The following HIVEP3 variants were observed in gnomAD, a reference collection of about 807,000 sequenced individuals.
HIVEP3 encodes the protein transcription factor HIVEP3.
HIVEP3 carries 49 observed loss-of-function variants against 152.8 expected under a neutral mutation model. The ratio of observed to expected loss-of-function variants is 0.32; its 90% CI spans 0.26 to 0.41. The LOEUF (loss-of-function observed/expected upper bound fraction) is 0.41, where lower values mean the gene tolerates loss of function less well. Among genes scored for constraint, HIVEP3 ranks in the 10% least tolerant of loss-of-function variants. The pLI is 1.00. For synonymous variants in HIVEP3, 1,269 were observed against 1,289.0 expected (o/e 0.98, Z 0.33); for missense variants, 2,790 against 3,103.3 (o/e 0.90, Z 2.40).
intron 3 of HIVEP3, among the ~76,000 whole-genome samples, chr1:41,615,272 T>C (rs1041121578): frequency 6.6e-6 from 1 of 152,232 alleles, no homozygotes; most frequent in Non-Finnish European, 1.5e-5. Flanking sequence ...ACTTCCAGCA[T>C]GTTCTCCCAA....
chr1:42,014,380 A>G (rs1424566240), intron 1 of HIVEP3, among the ~76,000 whole-genome samples: 1 of 152,056 alleles, frequency 6.6e-6, no homozygotes, highest in Non-Finnish European at 1.5e-5. Context: ...GCAAGGAAGG[A>G]GGGGGTGCAA....
intron 1 of HIVEP3, among the ~76,000 whole-genome samples, chr1:41,967,512 C>A (rs1645205895): frequency 6.6e-6 from 1 of 152,142 alleles, no homozygotes; most frequent in African/African-American, 2.4e-5. Flanking sequence ...AACAAAGAGA[C>A]AATGTACCAG....
chr1:41,562,091 G>T (rs1227179994), intron 5 of HIVEP3, among the ~76,000 whole-genome samples: 1 of 152,172 alleles, frequency 6.6e-6, no homozygotes, highest in Non-Finnish European at 1.5e-5. Context: ...GCTGGACCTG[G>T]GATAAACAAG....
chr1:41,787,422 G>A (rs1009155604), intron 1 of HIVEP3, among the ~76,000 whole-genome samples: 1 of 152,058 alleles, frequency 6.6e-6, no homozygotes, highest in African/African-American at 2.4e-5. Context: ...ATGCCGATCT[G>A]GGCATACCCC....
At chr1:41,907,103 T>G (rs1644725444) in intron 1 of HIVEP3, among the ~76,000 whole-genome samples, 1 of 152,176 alleles carries the variant, frequency 6.6e-6, no homozygotes, top group Admixed American at 6.5e-5. Flanking sequence ...CTCTGTGGCT[T>G]CTGCCTCCCA....
At chr1:41,604,813 A>T (rs1644794468) in intron 3 of HIVEP3, among the ~76,000 whole-genome samples, 2 of 152,184 alleles carry the variant, frequency 1.3e-5, no homozygotes, top group South Asian at 4.1e-4. Flanking sequence ...GGTATTAGAA[A>T]ATAGGATAGC....
intron 1 of HIVEP3, among the ~76,000 whole-genome samples, chr1:41,853,844 C>T (rs1044695204): frequency 6.6e-6 from 1 of 152,140 alleles, no homozygotes; most frequent in Admixed American, 6.5e-5. Flanking sequence ...GGGTCTCCAC[C>T]TGCCAACCTT....
At chr1:41,888,202 A>ATTTTTTTTTTTTTTTTTT (rs61561436) in intron 1 of HIVEP3, among the ~76,000 whole-genome samples, 1 of 99,202 alleles carries the variant, frequency 1.0e-5, no homozygotes. Flanking sequence ...CGCCCGGCTA[A>ATTTTTTTTTTTTTTTTTT]TTTTTTTTTT....
At chr1:41,805,555 C>T (rs1044567506) in intron 1 of HIVEP3, among the ~76,000 whole-genome samples, 9 of 152,066 alleles carry the variant, frequency 5.9e-5, no homozygotes, top group Admixed American at 1.3e-4. Context: ...CGTTTACATG[C>T]GTGTGCGTGG....
At chr1:41,812,225 C>G (rs1363074299) in intron 1 of HIVEP3, among the ~76,000 whole-genome samples, 4 of 152,128 alleles carry the variant, frequency 2.6e-5, no homozygotes, top group Non-Finnish European at 5.9e-5. Context: ...TTAACAAACA[C>G]GAGGAGCACA....
In HIVEP3 at chr1:41,544,827, A is replaced by T. The variant is rs1388197967; in HGVS notation, c.5208-19917T>A. On this transcript the variant is annotated intron_variant, in intron 5 of 8. Transcript: ENST00000372583. Reference sequence around the variant, plus strand: ...CACCACCACTACCACCTCTACCACCACCATCACCACCACCACTACCACCAC... The same window carrying T: ...CACCACCACTACCACCTCTACCACCTCCATCACCACCACCACTACCACCAC... Among the ~76,000 whole-genome samples the T allele has an allele frequency of 9.0e-5, 10 of 111,290 alleles. No homozygotes were observed. In the South Asian group the frequency reaches 9.3e-4, roughly 10 times the overall value. The allele number at this position is 111,290 out of a possible 152,430, so 73.0% of individuals were successfully genotyped here. A position where few individuals can be genotyped will look rare whatever the true frequency, so the allele number is the denominator to read the frequency against.
chr1:41,673,602 A>C (rs572355462), intron 2 of HIVEP3, among the ~76,000 whole-genome samples: 3 of 152,092 alleles, frequency 2.0e-5, no homozygotes, highest in African/African-American at 7.2e-5. Flanking sequence ...CAAAACCGCG[A>C]GCCTGAGTCC....
At chr1:41,620,889 C>T (rs889665155) in intron 3 of HIVEP3, among the ~76,000 whole-genome samples, 13 of 152,190 alleles carry the variant, frequency 8.5e-5, no homozygotes, top group East Asian at 1.9e-4. Flanking sequence ...TGCTGGGTAC[C>T]GGAGGCATTT....
At chr1:41,998,887 CTCTTTTTTTTTTT>C (rs1645410733) in intron 1 of HIVEP3, among the ~76,000 whole-genome samples, 2 of 77,312 alleles carry the variant, frequency 2.6e-5, no homozygotes, top group Non-Finnish European at 4.5e-5. Flanking sequence ...TTTTCTCTCT[CTCTTTTTTTTTTT>C]TTTTTTTTTT....
intron 5 of HIVEP3, among the ~76,000 whole-genome samples, chr1:41,538,498 T>C (rs1643452172): frequency 6.6e-6 from 1 of 152,154 alleles, no homozygotes. Context: ...GGTTTTACTA[T>C]TGTGATTTTT....
chr1:41,611,526 C>T (rs1275923685), intron 3 of HIVEP3, among the ~76,000 whole-genome samples: 1 of 152,234 alleles, frequency 6.6e-6, no homozygotes, highest in Non-Finnish European at 1.5e-5. Flanking sequence ...CACAAAGGCA[C>T]CGAAGGTTCC....
At chr1:41,592,561 T>A (rs1045112210) in intron 3 of HIVEP3, among the ~76,000 whole-genome samples, 6 of 152,198 alleles carry the variant, frequency 3.9e-5, no homozygotes, top group Non-Finnish European at 5.9e-5. Context: ...TACCTGCTAA[T>A]CTTTGTAAAA....
At chr1:41,977,887 TTA>T (rs1378456713) in intron 1 of HIVEP3, among the ~76,000 whole-genome samples, 1 of 152,146 alleles carries the variant, frequency 6.6e-6, no homozygotes, top group African/African-American at 2.4e-5. Flanking sequence ...GAGTCAAACT[TTA>T]GAAGCATGCA....
At chr1:41,837,324 T>G (rs1643153177) in intron 1 of HIVEP3, among the ~76,000 whole-genome samples, 1 of 152,106 alleles carries the variant, frequency 6.6e-6, no homozygotes, top group African/African-American at 2.4e-5. Flanking sequence ...TTTTATTATT[T>G]TTATTTTTAT....
Sources: gnomAD v4.1 joint callset for allele counts (sites outside exome capture counted in the v4.1 genomes callset) on GRCh38, gnomAD v4.1.1 for gene constraint, MANE v1.5 for transcripts, NCBI Gene and HGNC (gene_info 2026-07-23, HGNC 2026-07-21) for gene names.